The following PROK2 variants were observed in gnomAD, a reference collection of about 807,000 sequenced individuals.
The protein encoded by PROK2 is prokineticin 2.
Under a neutral mutation model 14.2 loss-of-function variants are expected in PROK2, and 8 were observed. The ratio of observed to expected loss-of-function variants is 0.56; its 90% CI spans 0.33 to 1.02. The LOEUF is 1.02. Ranked by LOEUF, PROK2 falls within the 50% of genes least tolerant of loss-of-function variation. The pLI is 0.03. For synonymous variants in PROK2, 59 were observed against 60.7 expected (o/e 0.97, Z 0.13); for missense variants, 154 against 160.4 (o/e 0.96, Z 0.22).
At chr3:71,773,256 A>G (rs1448562027) in intron 3 of PROK2, among the ~76,000 whole-genome samples, 1 of 152,154 alleles carries the variant, frequency 6.6e-6, no homozygotes, top group Non-Finnish European at 1.5e-5. Context: ...CTGGGATTAC[A>G]TATGTGAGTT....
rs1394789345 is a variant in PROK2, at chr3:71,777,579, T to TA, written c.223-3073dup. Reference sequence around the variant, plus strand: ...AGAAAAGGAAGGAAAGTGAAGTTTTTAAAAAAACCTGGTGCTAAAAATGTT... The same window carrying TA: ...AGAAAAGGAAGGAAAGTGAAGTTTTTAAAAAAAACCTGGTGCTAAAAATGTT... On this transcript the variant is annotated intron_variant, in intron 2 of 3. Transcript: ENST00000295619. 2.0e-5 allele frequency among the ~76,000 whole-genome samples: 3 copies of TA among 152,180 alleles called. No homozygotes were observed. The South Asian group carries it at 6.2e-4, about 32-fold the overall frequency.
At chr3:71,784,858 C>A in intron 1 of PROK2, 99 bp downstream of exon 1, 1 of 1,053,272 alleles carries the variant, frequency 9.5e-7, no homozygotes, top group Non-Finnish European at 1.2e-6. Context: ...GGCGACCCTC[C>A]CTTTGCCTCT....
At position 71,785,084 on chromosome 3, in the gene PROK2, C is replaced by T; in HGVS notation, c.-32G>A. 1 of 1,212,866 alleles carries T rather than the reference C, an allele frequency of 8.2e-7. No homozygotes were observed. The highest frequency in any genetic ancestry group is 1.0e-6 in the Non-Finnish European group (1 of 968,156). The allele number at this position is 1,212,866 out of a possible 1,614,324, so 75.1% of individuals were successfully genotyped here. A position where few individuals can be genotyped will look rare whatever the true frequency, so the allele number is the denominator to read the frequency against. ...CTCGGGACTGGGCGGCCGCCGGAGG[C>T]AGTTGGGGGCGCGGGGCCCGGGTGC... On this transcript the variant is annotated 5_prime_UTR_variant, in exon 1 of 4. Coordinates refer to ENST00000295619, the MANE Select transcript of PROK2 (RefSeq NM_001126128.2).
At chr3:71,779,269 C>T (rs1320015) in intron 2 of PROK2, among the ~76,000 whole-genome samples, 57,764 of 152,078 alleles carry the variant, frequency 0.38, 11,999 homozygotes, top group East Asian at 0.7. Flanking sequence ...ACTGCTTTCG[C>T]GGAGGCAGAA....
At chr3:71,774,576 A>G in intron 2 of PROK2, 69 bp from the exon 3 acceptor site, 1 of 1,524,692 alleles carries the variant, frequency 6.6e-7, no homozygotes, top group South Asian at 1.2e-5. Flanking sequence ...ATGGGAGGGC[A>G]GGGTATGCAT....
In PROK2 at chr3:71,771,994, A is replaced by C. The variant is rs2050083033; in HGVS notation, c.*730T>G. 6.6e-6 allele frequency: 1 copy of C among 152,216 alleles called. No homozygotes were observed. Among genetic ancestry groups the C allele is most frequent in the Non-Finnish European group, 1.5e-5 (1 of 68,044 alleles). The allele number at this position is 152,216 out of a possible 1,614,324, so 9.4% of individuals were successfully genotyped here. On this transcript the variant is annotated 3_prime_UTR_variant, in exon 4 of 4. Transcript: ENST00000295619. ...AACCCAAACCTAGAAATCTGGACTA[A>C]ATTAATTTGGCTTTCCATTCCTTCT...
intron 2 of PROK2, 25 bp downstream of exon 2, chr3:71,781,442 T>A: frequency 6.2e-7 from 1 of 1,613,134 alleles, no homozygotes; most frequent in African/African-American, 1.3e-5. Context: ...AGAACCACCA[T>A]GAATACAAAT....
At chr3:71,777,382 AT>A (rs575338513) in intron 2 of PROK2, among the ~76,000 whole-genome samples, 2 of 152,252 alleles carry the variant, frequency 1.3e-5, no homozygotes, top group Admixed American at 6.5e-5. Context: ...GTATTTTAAA[AT>A]TTTTTTACTT....
intron 2 of PROK2, among the ~76,000 whole-genome samples, chr3:71,776,504 C>T (rs752605630): frequency 1.1e-4 from 17 of 151,310 alleles, no homozygotes; most frequent in Non-Finnish European, 2.1e-4. Flanking sequence ...CAGCCTTCCA[C>T]GTAGCTGGGA....
intron 2 of PROK2, among the ~76,000 whole-genome samples, chr3:71,779,141 C>T (rs749839632): frequency 2.0e-5 from 3 of 152,218 alleles, no homozygotes; most frequent in Admixed American, 6.5e-5. Context: ...AACTATCGGA[C>T]GACACAAATT....
chr3:71,784,897 G>GC, intron 1 of PROK2, 60 bp downstream of exon 1: 1 of 1,198,272 alleles, frequency 8.3e-7, no homozygotes, highest in Non-Finnish European at 1.0e-6. Context: ...CCCGTCCCAA[G>GC]CCCCCTGGGC....
chr3:71,772,965 G>A, intron 3 of PROK2, 137 bp from the exon 4 acceptor site: 1 of 725,846 alleles, frequency 1.4e-6, no homozygotes, highest in East Asian at 2.7e-5. Context: ...AATATGCTCA[G>A]TACTTTTTAT....
chr3:71,776,339 TTTTC>T (rs1418473377), intron 2 of PROK2, among the ~76,000 whole-genome samples: 1 of 150,832 alleles, frequency 6.6e-6, no homozygotes, highest in Non-Finnish European at 1.5e-5. Flanking sequence ...TTCTCTCTTC[TTTTC>T]TTTTTTTCTT....
intron 2 of PROK2, among the ~76,000 whole-genome samples, 199 bp downstream of exon 2, chr3:71,781,268 C>T (rs1346599190): frequency 6.6e-6 from 1 of 152,096 alleles, no homozygotes; most frequent in East Asian, 1.9e-4. Context: ...AAAACTATCA[C>T]TGGAATAAGA....
At chr3:71,783,427 C>T (rs1578413821) in intron 1 of PROK2, among the ~76,000 whole-genome samples, 1 of 152,028 alleles carries the variant, frequency 6.6e-6, no homozygotes, top group African/African-American at 2.4e-5. Context: ...ATATAATAAG[C>T]CCAGTCTAAG....
chr3:71,784,963 G>A lies in PROK2; in HGVS notation c.90C>T (p.Ile30=), dbSNP rs2050200968. Reference sequence around the variant, plus strand: ...GTGCGCCCGGGCCGCTTACCCCGGTGATCACGGCGGCGTCCCCAGCGCGGG... The same window carrying A: ...GTGCGCCCGGGCCGCTTACCCCGGTAATCACGGCGGCGTCCCCAGCGCGGG... The part of the protein sequence containing the change: ...LTPRAGDAAV[I]TGACDKDSQC... Residue 30 remains isoleucine, a synonymous_variant, in exon 1 of 4, where the codon ATC becomes ATT. Transcript: ENST00000295619. 8.0e-7 allele frequency: 1 copy of A among 1,247,648 alleles called. No homozygotes were observed. Among genetic ancestry groups the A allele is most frequent in the Non-Finnish European group, 1.0e-6 (1 of 993,976 alleles). The allele number at this position is 1,247,648 out of a possible 1,614,324, so 77.3% of individuals were successfully genotyped here.
chr3:71,778,491 G>C (rs2050137505), intron 2 of PROK2, among the ~76,000 whole-genome samples: 1 of 151,898 alleles, frequency 6.6e-6, no homozygotes, highest in Admixed American at 6.6e-5. Flanking sequence ...TCCTATCTAT[G>C]GTTCTCAGTT....
intron 3 of PROK2, 22 bp from the exon 4 acceptor site, chr3:71,772,850 G>C: frequency 6.2e-7 from 1 of 1,600,686 alleles, no homozygotes; most frequent in Non-Finnish European, 8.6e-7. Flanking sequence ...AGAAAACGGA[G>C]TCAGAGCTGG....
At chr3:71,782,809 T>C (rs969748582) in intron 1 of PROK2, among the ~76,000 whole-genome samples, 4 of 152,242 alleles carry the variant, frequency 2.6e-5, no homozygotes, top group Non-Finnish European at 5.9e-5. Context: ...ACTATTTTGC[T>C]TTAAAGTTCA....
Sources: gnomAD v4.1 joint callset for allele counts (sites outside exome capture counted in the v4.1 genomes callset) on GRCh38, gnomAD v4.1.1 for gene constraint, MANE v1.5 for transcripts, NCBI Gene and HGNC (gene_info 2026-07-23, HGNC 2026-07-21) for gene names.